Variants in PDCD4 observed in about 807,000 individuals in gnomAD.
PDCD4 encodes the protein programmed cell death protein 4.
A neutral mutation model predicts 54.0 loss-of-function variants in PDCD4; 56 were observed. The ratio of observed to expected loss-of-function variants is 1.04; its 90% CI spans 0.84 to 1.30. The LOEUF (loss-of-function observed/expected upper bound fraction) is 1.30. PDCD4 is among the 50% of genes most tolerant of loss of function. The pLI is 0.00. For synonymous variants in PDCD4, 186 were observed against 194.8 expected, an observed-to-expected ratio of 0.95 and a Z score of 0.37; for missense variants, 584 against 559.8, an observed-to-expected ratio of 1.04 and a Z score of -0.44.
At chr10:110,875,641 A>C (rs1845491690) in intron 1 of PDCD4, among the ~76,000 whole-genome samples, 1 of 152,190 alleles carries the variant, frequency 6.6e-6, no homozygotes, top group South Asian at 2.1e-4. Context: ...TATTCCTAAA[A>C]GATTTGGATG....
intron 3 of PDCD4, among the ~76,000 whole-genome samples, chr10:110,881,976 T>C (rs1344612536): frequency 2.0e-5 from 3 of 152,220 alleles, no homozygotes; most frequent in African/African-American, 7.2e-5. Context: ...GAGTTCTCTT[T>C]AGCTCTTTAT....
At chr10:110,893,405 C>T (rs1845785690) in intron 8 of PDCD4, among the ~76,000 whole-genome samples, 1 of 149,780 alleles carries the variant, frequency 6.7e-6, no homozygotes, top group African/African-American at 2.5e-5. Context: ...GATATGTGCC[C>T]ACCAAATACA....
chr10:110,894,651 T>A (rs1034639726), intron 10 of PDCD4, 129 bp downstream of exon 10: 45 of 438,380 alleles, frequency 1.0e-4, no homozygotes, highest in Non-Finnish European at 2.8e-5. Flanking sequence ...TATGTTTTGT[T>A]TTTTCTTAAT....
chr10:110,896,050 A>G lies in PDCD4; in HGVS notation c.1312A>G (p.Ile438Val). The G allele has an allele frequency of 6.2e-7, 1 of 1,611,336 alleles. No individual in the cohort carries two copies. The highest frequency in any genetic ancestry group is 1.1e-5 in the South Asian group (1 of 90,880). The stretch of plus-strand genomic sequence containing the variant: ...TGTAGAAGAATGTTTTCAGGCTGGA[A>G]TAATTTCCAAACAACTCAGAGATCT... Reference protein sequence around the residue: ...RFVEECFQAGIISKQLRDLCP... With the variant: ...RFVEECFQAGVISKQLRDLCP... The change falls in exon 11 of 12, where the codon ATA becomes GTA. Residue 438 changes from isoleucine (I) to valine (V), a missense_variant. Transcript: ENST00000280154.
chr10:110,898,409 C>A lies in PDCD4; in HGVS notation c.*321C>A. The A allele has an allele frequency of 5.1e-6, 1 of 195,588 alleles. No homozygotes were observed. The highest frequency in any genetic ancestry group is 1.0e-5 in the Non-Finnish European group (1 of 96,794). The allele number at this position is 195,588 out of a possible 1,614,324, so 12.1% of individuals were successfully genotyped here. The stretch of plus-strand genomic sequence containing the variant: ...ATTGATGTCTGACTGCCACTCCTTT[C>A]TTTCAAGGACAGTGTTTTTTGTAGT... On this transcript the variant is annotated 3_prime_UTR_variant, in exon 12 of 12. Coordinates refer to ENST00000280154, the MANE Select transcript of PDCD4 (RefSeq NM_014456.5).
rs377280302 is a variant in PDCD4, at chr10:110,895,924, C to T, written c.1210-24C>T. ...ATTTATTTTATATGGGCTAACAATT[C>T]TGCATGTAATTTCATTGTTGTAGGG... On this transcript the variant is annotated intron_variant, in intron 10 of 11. Coordinates refer to ENST00000280154, the MANE Select transcript of PDCD4 (RefSeq NM_014456.5). The T allele has an allele frequency of 4.1e-5, 63 of 1,533,170 alleles. No individual in the cohort carries two copies. The Middle Eastern group carries it at 6.9e-4, about 17-fold the overall frequency. 95.0% of individuals were successfully genotyped at this position (1,533,170 alleles called of 1,614,324 possible). A position where few individuals can be genotyped will look rare whatever the true frequency, so the allele number is the denominator to read the frequency against.
chr10:110,896,528 A>T (rs980035524), intron 11 of PDCD4, among the ~76,000 whole-genome samples: 1 of 151,940 alleles, frequency 6.6e-6, no homozygotes, highest in African/African-American at 2.4e-5. Context: ...CAGGTTGGAG[A>T]ATTAGGGCTA....
At chr10:110,876,978 C>T (rs1393040367) in intron 2 of PDCD4, among the ~76,000 whole-genome samples, 1 of 152,082 alleles carries the variant, frequency 6.6e-6, no homozygotes, top group Non-Finnish European at 1.5e-5. Flanking sequence ...TGACTTAACT[C>T]ACTATTGTTT....
intron 3 of PDCD4, 75 bp downstream of exon 3, chr10:110,881,610 T>C: frequency 1.6e-6 from 2 of 1,227,344 alleles, no homozygotes; most frequent in Non-Finnish European, 2.3e-6. Context: ...TACTACACTT[T>C]CCTTGTTCTA....
chr10:110,885,062 T>A (rs1409207963), intron 4 of PDCD4, 191 bp from the exon 5 acceptor site: 1 of 412,182 alleles, frequency 2.4e-6, no homozygotes, highest in East Asian at 4.0e-5. Context: ...TCCCAAAGTG[T>A]TGGGATTATA....
In PDCD4 at chr10:110,883,027, G is replaced by C. The variant is rs1166185435; in HGVS notation, c.371G>C (p.Trp124Ser). The C allele has an allele frequency of 6.2e-7, 1 of 1,600,444 alleles. No individual in the cohort carries two copies. Among genetic ancestry groups the C allele is most frequent in the African/African-American group, 1.4e-5 (1 of 73,684 alleles). Residue 124 changes from tryptophan (W) to serine (S), a missense_variant, in exon 4 of 12, where the codon TGG (tryptophan) becomes TCG (serine). Transcript: ENST00000280154. ...KKGGAGGKGV[W>S]GTPGQVYDVE... Reference sequence around the variant, plus strand: ...GGTGGTGCAGGAGGCAAAGGTGTCTGGGGTACACCTGGACAGGTGTATGAT... The same window carrying C: ...GGTGGTGCAGGAGGCAAAGGTGTCTCGGGTACACCTGGACAGGTGTATGAT...
At chr10:110,889,692 T>C in intron 7 of PDCD4, 62 bp downstream of exon 7, 1 of 888,420 alleles carries the variant, frequency 1.1e-6, no homozygotes, top group Non-Finnish European at 1.9e-6. Context: ...CAGGATCCTA[T>C]TGAAATGACA....
intron 1 of PDCD4, among the ~76,000 whole-genome samples, chr10:110,872,940 T>G (rs1845443919): frequency 6.6e-6 from 1 of 152,154 alleles, no homozygotes; most frequent in Non-Finnish European, 1.5e-5. Flanking sequence ...AGCAACTGTG[T>G]AGTGTCTACA....
intron 10 of PDCD4, 111 bp downstream of exon 10, chr10:110,894,633 T>C: frequency 2.0e-6 from 1 of 495,854 alleles, no homozygotes; most frequent in Non-Finnish European, 3.6e-6. Context: ...TTAGTGTTAA[T>C]ATGCCTATAT....
Position 110,889,521 on chromosome 10 carries a change from TC to T in PDCD4, c.778-10del. On this transcript the variant is annotated splice_polypyrimidine_tract_variant and intron_variant, in intron 6 of 11. Coordinates refer to ENST00000280154, the MANE Select transcript of PDCD4 (RefSeq NM_014456.5). The stretch of plus-strand genomic sequence containing the variant: ...ACTTTTTTTATAGCTCTTTTTTTTT[TC>T]CTTTTTACAGTTGGTGGGCCAGTTT... 6.8e-7 allele frequency: 1 copy of T among 1,470,244 alleles called. No individual in the cohort carries two copies. The highest frequency in any genetic ancestry group is 9.4e-7 in the Non-Finnish European group (1 of 1,066,678). The allele number at this position is 1,470,244 out of a possible 1,614,324, so 91.1% of individuals were successfully genotyped here. A position where few individuals can be genotyped will look rare whatever the true frequency, so the allele number is the denominator to read the frequency against.
intron 1 of PDCD4, among the ~76,000 whole-genome samples, chr10:110,875,204 T>C: frequency 6.6e-6 from 1 of 152,164 alleles, no homozygotes; most frequent in East Asian, 1.9e-4. Context: ...AGGTAACTGA[T>C]TTCATCAAAC....
chr10:110,878,644 T>C (rs1237882259), intron 2 of PDCD4, among the ~76,000 whole-genome samples: 12 of 152,260 alleles, frequency 7.9e-5, no homozygotes, highest in Non-Finnish European at 1.6e-4. Context: ...AATACTCTGC[T>C]GTATTCTAGT....
chr10:110,886,722 A>T (rs1405554325), intron 5 of PDCD4, among the ~76,000 whole-genome samples: 1 of 152,130 alleles, frequency 6.6e-6, no homozygotes, highest in Non-Finnish European at 1.5e-5. Flanking sequence ...TCAAAGGGCT[A>T]TTTGAGTATT....
At chr10:110,882,709 T>A (rs1489277789) in intron 3 of PDCD4, among the ~76,000 whole-genome samples, 2 of 152,198 alleles carry the variant, frequency 1.3e-5, no homozygotes, top group Non-Finnish European at 2.9e-5. Context: ...TGCAATATCA[T>A]CTCCTTTGAG....
Sources: allele counts gnomAD v4.1 joint callset (sites outside exome capture counted in the v4.1 genomes callset), GRCh38; gene constraint gnomAD v4.1.1; transcripts MANE v1.5; gene names NCBI Gene and HGNC (gene_info 2026-07-23, HGNC 2026-07-21).